Variants in CSMD1 observed in about 807,000 individuals in gnomAD.
CSMD1 encodes the protein CUB and sushi domain-containing protein 1.
A neutral mutation model predicts 417.5 loss-of-function variants in CSMD1; 213 were observed. The observed-to-expected ratio is 0.51, with a 90% CI of 0.46 to 0.57. The LOEUF is 0.57. Among genes scored for constraint, CSMD1 ranks in the 20% least tolerant of loss-of-function variants. The probability of loss-of-function intolerance (pLI) is 0.00; values close to 1 mark genes in which losing one functional copy is unlikely to be tolerated. For missense variants in CSMD1, 6,923 were observed against 4,529.7 expected (o/e 1.53, Z -15.17); for synonymous variants, 2,862 against 1,736.8 (o/e 1.65, Z -16.11).
chr8:4,657,238 T>C (rs946725384), intron 1 of CSMD1, among the ~76,000 whole-genome samples: 1 of 152,114 alleles, frequency 6.6e-6, no homozygotes, highest in Non-Finnish European at 1.5e-5. Flanking sequence ...TGAGCAGTAG[T>C]TTCAGTGCAA....
chr8:3,674,121 T>A (rs55966123), intron 7 of CSMD1, among the ~76,000 whole-genome samples: 1,209 of 117,230 alleles, frequency 0.01, 5 homozygotes, highest in South Asian at 0.027. Flanking sequence ...ACAAAAAAAA[T>A]CTCCCTAGAA....
In CSMD1 at chr8:4,480,340, G is replaced by A. The variant is rs560450192; in HGVS notation, c.303-60275C>T. On this transcript the variant is annotated intron_variant, in intron 2 of 69. Coordinates refer to ENST00000635120, the MANE Select transcript of CSMD1 (RefSeq NM_033225.6). ...TGTTTCTGCAGCCTTTGAGAAACTG[G>A]TTCACCTGTTAGCTGAGAAAATTAC... is the stretch of plus-strand genomic sequence containing the variant. 4.6e-5 allele frequency among the ~76,000 whole-genome samples: 7 copies of A among 152,228 alleles called. No individual in the cohort carries two copies. The South Asian group carries it at 6.2e-4, about 14-fold the overall frequency.
intron 7 of CSMD1, among the ~76,000 whole-genome samples, chr8:3,641,301 G>C (rs1797294476): frequency 6.6e-6 from 1 of 152,062 alleles, no homozygotes; most frequent in Non-Finnish European, 1.5e-5. Flanking sequence ...CTCCTGTGCA[G>C]GTGGAGAACG....
chr8:3,926,026 C>CACACACACACACACACACCATAT (rs1563217937), intron 5 of CSMD1, among the ~76,000 whole-genome samples: 2 of 125,250 alleles, frequency 1.6e-5, no homozygotes, highest in African/African-American at 3.2e-5. Context: ...CACACACACA[C>CACACACACACACACACACCATAT]ACACACACAC....
intron 26 of CSMD1, among the ~76,000 whole-genome samples, chr8:3,244,503 C>G (rs998613094): frequency 6.6e-6 from 1 of 152,174 alleles, no homozygotes; most frequent in African/African-American, 2.4e-5. Context: ...AGGTCCCAGC[C>G]AAGTACACCA....
chr8:4,160,628 G>C (rs1045791698), intron 3 of CSMD1, among the ~76,000 whole-genome samples: 2 of 152,220 alleles, frequency 1.3e-5, no homozygotes, highest in Non-Finnish European at 2.9e-5. Flanking sequence ...CTTTCTTGCA[G>C]ACACTCTGGA....
At chr8:3,716,451 T>C (rs1801836951) in intron 6 of CSMD1, among the ~76,000 whole-genome samples, 1 of 152,214 alleles carries the variant, frequency 6.6e-6, no homozygotes, top group African/African-American at 2.4e-5. Context: ...TGCCTCCCTT[T>C]TTTAGACCAT....
chr8:4,618,298 G>C (rs376048197), intron 2 of CSMD1, among the ~76,000 whole-genome samples: 2 of 151,208 alleles, frequency 1.3e-5, no homozygotes, highest in African/African-American at 4.9e-5. Context: ...GCTCAGCCAT[G>C]TCCCTCATAA....
chr8:4,052,435 G>T (rs113795295), intron 3 of CSMD1, among the ~76,000 whole-genome samples: 3 of 152,138 alleles, frequency 2.0e-5, no homozygotes, highest in Non-Finnish European at 4.4e-5. Context: ...CAAATATCTT[G>T]TAGTGAGGGG....
intron 51 of CSMD1, among the ~76,000 whole-genome samples, chr8:3,020,465 G>T (rs114241033): frequency 1.8e-4 from 27 of 152,220 alleles, no homozygotes; most frequent in African/African-American, 5.8e-4. Context: ...GACCTCCTGG[G>T]TTCAAGACAT....
intron 4 of CSMD1, among the ~76,000 whole-genome samples, chr8:4,024,629 C>G (rs946495809): frequency 1.6e-4 from 24 of 152,238 alleles, no homozygotes; most frequent in African/African-American, 5.5e-4. Flanking sequence ...GAGGTACAAG[C>G]AGGATCTTGC....
chr8:4,187,681 A>AAAC lies in CSMD1; in HGVS notation c.416-155583_416-155582insGTT, dbSNP rs1409453978. Among the ~76,000 whole-genome samples, 82 of 151,546 alleles carry AAAC rather than the reference A, an allele frequency of 5.4e-4. 1 individual carries two copies. The highest frequency in any genetic ancestry group is 1.6e-3 in the African/African-American group (67 of 41,352). On this transcript the variant is annotated intron_variant, in intron 3 of 69. Coordinates refer to ENST00000635120, the MANE Select transcript of CSMD1 (RefSeq NM_033225.6). ...ACAAGAGTGAAACTCCGTCTCAAAA[A>AAAC]AAAAAAAAAAAAAGCATTCAGGAAG...
chr8:4,007,117 T>A (rs912256566), intron 4 of CSMD1, among the ~76,000 whole-genome samples: 1 of 152,110 alleles, frequency 6.6e-6, no homozygotes, highest in Non-Finnish European at 1.5e-5. Context: ...GTATTACAGG[T>A]GTCAGCCACC....
intron 3 of CSMD1, among the ~76,000 whole-genome samples, chr8:4,279,570 C>G (rs980166266): frequency 3.3e-5 from 5 of 152,174 alleles, no homozygotes; most frequent in Admixed American, 6.6e-5. Flanking sequence ...ACTGATTCTG[C>G]AGACACGGTT....
At chr8:3,599,610 C>G (rs1399083344) in intron 8 of CSMD1, among the ~76,000 whole-genome samples, 1 of 152,338 alleles carries the variant, frequency 6.6e-6, no homozygotes, top group Admixed American at 6.5e-5. Context: ...TAATTAACCA[C>G]TTCATGCTAT....
chr8:4,076,049 A>G (rs760571129), intron 3 of CSMD1, among the ~76,000 whole-genome samples: 5 of 152,154 alleles, frequency 3.3e-5, no homozygotes, highest in Non-Finnish European at 7.3e-5. Flanking sequence ...GATAAGTGAT[A>G]TGGTTTGGCT....
chr8:4,228,812 T>C (rs1023513571), intron 3 of CSMD1, among the ~76,000 whole-genome samples: 6 of 152,076 alleles, frequency 3.9e-5, no homozygotes, highest in African/African-American at 1.2e-4. Flanking sequence ...GCATCCCAAG[T>C]AGCTGGGACT....
intron 3 of CSMD1, among the ~76,000 whole-genome samples, chr8:4,233,813 T>A (rs1801883970): frequency 6.6e-6 from 1 of 152,098 alleles, no homozygotes; most frequent in South Asian, 2.1e-4. Flanking sequence ...TTTCATGAAA[T>A]TTCATTTGAG....
Position 3,363,405 on chromosome 8 carries a change from T to C in CSMD1, c.3115+3627A>G, listed in dbSNP as rs76770619. ...ATGGAAACGTTTTTCTCCTGTATTA[T>C]ATAGAAGAAAACAAATTCTGCCTAG... On this transcript the variant is annotated intron_variant, in intron 20 of 69. Transcript: ENST00000635120. 5.3e-5 allele frequency among the ~76,000 whole-genome samples: 8 copies of C among 152,346 alleles called. No individual in the cohort carries two copies. In the South Asian group the frequency reaches 8.3e-4, roughly 16 times the overall value.
Sources: allele counts gnomAD v4.1 joint callset (sites outside exome capture counted in the v4.1 genomes callset), GRCh38; gene constraint gnomAD v4.1.1; transcripts MANE v1.5; gene names NCBI Gene and HGNC (gene_info 2026-07-23, HGNC 2026-07-21).